The following LRRC37A2 variants were observed in gnomAD, a reference collection of about 807,000 sequenced individuals.
LRRC37A2 encodes the protein leucine-rich repeat-containing protein 37A2.
In LRRC37A2, 9 loss-of-function variants were observed where a neutral mutation model predicts 68.8. The ratio of observed to expected loss-of-function variants is 0.13; its 90% CI spans 0.08 to 0.23. The LOEUF is 0.23. Among genes scored for constraint, LRRC37A2 ranks in the 10% least tolerant of loss-of-function variants. LRRC37A2 has a pLI of 1.00. For synonymous variants in LRRC37A2, 63 were observed against 367.6 expected, an observed-to-expected ratio of 0.17 and a Z score of 9.48; for missense variants, 168 against 950.4, an observed-to-expected ratio of 0.18 and a Z score of 10.82.
At chr17:46,661,377 T>TA in the LRRC37A2 span, among the ~76,000 whole-genome samples, 9 of 119,188 alleles carry the variant, frequency 7.6e-5, no homozygotes, top group African/African-American at 2.7e-4. Context: ...CTACATTTCT[T>TA]TTTATTATTA....
chr17:46,718,525 A>G, the LRRC37A2 span, among the ~76,000 whole-genome samples: 2 of 152,236 alleles, frequency 1.3e-5, no homozygotes, highest in Admixed American at 1.3e-4. Flanking sequence ...AGCCATAACT[A>G]AAAATTTAAA....
the LRRC37A2 span, among the ~76,000 whole-genome samples, chr17:47,040,499 T>C: frequency 2.0e-5 from 3 of 149,838 alleles, no homozygotes; most frequent in African/African-American, 7.3e-5. Context: ...CTTGTGTTAG[T>C]AGTTGCTATT....
At chr17:46,779,430 G>A in the LRRC37A2 span, among the ~76,000 whole-genome samples, 7 of 152,166 alleles carry the variant, frequency 4.6e-5, no homozygotes, top group Non-Finnish European at 7.4e-5. Flanking sequence ...CTCCTGGCCC[G>A]GCCCTTCCCT....
At chr17:46,923,133 GC>G in the LRRC37A2 span, 15 of 1,160,424 alleles carry the variant, frequency 1.3e-5, no homozygotes, top group African/African-American at 2.1e-4. Context: ...CGGAAGGGGG[GC>G]TGTGAGGACG....
chr17:46,834,970 T>C, the LRRC37A2 span, among the ~76,000 whole-genome samples: 1,557 of 152,040 alleles, frequency 0.01, 26 homozygotes, highest in African/African-American at 0.036. Flanking sequence ...GCCCTCAGTC[T>C]CTCTTCTTCT....
the LRRC37A2 span, among the ~76,000 whole-genome samples, chr17:46,912,698 C>G: frequency 6.6e-6 from 1 of 152,176 alleles, no homozygotes; most frequent in Non-Finnish European, 1.5e-5. Context: ...ACCCTGTCTG[C>G]TCAGCTTTAA....
At chr17:47,033,546 T>C in the LRRC37A2 span, among the ~76,000 whole-genome samples, 8,471 of 128,610 alleles carry the variant, frequency 0.066, no homozygotes, top group Middle Eastern at 0.11. Context: ...ATTTTGGAGT[T>C]TGTCATTTAA....
the LRRC37A2 span, among the ~76,000 whole-genome samples, chr17:47,012,434 G>C: frequency 6.6e-6 from 1 of 151,946 alleles, no homozygotes. Flanking sequence ...ACACCACCAA[G>C]AAAGTGAAAG....
the LRRC37A2 span, among the ~76,000 whole-genome samples, chr17:47,000,401 A>AT: frequency 1.3e-5 from 2 of 151,702 alleles, no homozygotes; most frequent in Non-Finnish European, 2.9e-5. Flanking sequence ...TGCCTGGCTA[A>AT]TTTTTGTATT....
At chr17:46,727,693 C>T in the LRRC37A2 span, among the ~76,000 whole-genome samples, 1 of 152,106 alleles carries the variant, frequency 6.6e-6, no homozygotes, top group African/African-American at 2.4e-5. Flanking sequence ...GGGATGATTT[C>T]TTTAAAAGCT....
chr17:46,900,852 G>A, the LRRC37A2 span, among the ~76,000 whole-genome samples: 1 of 152,210 alleles, frequency 6.6e-6, no homozygotes, highest in Non-Finnish European at 1.5e-5. Context: ...TACAAGCCAA[G>A]CTCTGTGCTC....
the LRRC37A2 span, among the ~76,000 whole-genome samples, chr17:46,957,385 G>A: frequency 6.6e-6 from 1 of 152,196 alleles, no homozygotes; most frequent in Non-Finnish European, 1.5e-5. Context: ...GGCTGAGGCA[G>A]GTGGATCACT....
At chr17:46,974,058 T>C in the LRRC37A2 span, among the ~76,000 whole-genome samples, 1 of 152,162 alleles carries the variant, frequency 6.6e-6, no homozygotes, top group Non-Finnish European at 1.5e-5. Context: ...GTGGATGTGG[T>C]GATGTAAGCC....
the LRRC37A2 span, among the ~76,000 whole-genome samples, chr17:46,719,312 T>C: frequency 1.3e-5 from 2 of 152,240 alleles, no homozygotes; most frequent in African/African-American, 4.8e-5. The surrounding 1 kb of genome is among the most constrained non-coding windows in gnomAD (Gnocchi z 4.3). Flanking sequence ...CTTTATTACT[T>C]AAACCAACAG....
intron 9 of LRRC37A2, among the ~76,000 whole-genome samples, chr17:46,546,963 G>A (rs146545172): frequency 0.15 from 996 of 6,438 alleles, 152 homozygotes; most frequent in Middle Eastern, 0.3. Flanking sequence ...AAACCTTTCT[G>A]TTCACAGAAC....
the LRRC37A2 span, among the ~76,000 whole-genome samples, chr17:46,493,131 A>G: frequency 1.5e-5 from 2 of 131,746 alleles, no homozygotes; most frequent in East Asian, 4.3e-4. Flanking sequence ...CCATCTGTAT[A>G]TCATTGTTTA....
At chr17:46,825,959 G>T in the LRRC37A2 span, among the ~76,000 whole-genome samples, 10 of 152,240 alleles carry the variant, frequency 6.6e-5, no homozygotes, top group Admixed American at 2.0e-4. Context: ...GGAGGCGGAG[G>T]TTGCGGTGAG....
chr17:46,849,849 C>CTTTTTTTT, the LRRC37A2 span, among the ~76,000 whole-genome samples: 7 of 145,750 alleles, frequency 4.8e-5, 1 homozygote, highest in Non-Finnish European at 7.5e-5. Flanking sequence ...CATTTAATAT[C>CTTTTTTTT]TTTTTTTTTT....
chr17:46,852,198 G>A, the LRRC37A2 span, among the ~76,000 whole-genome samples: 60 of 152,368 alleles, frequency 3.9e-4, no homozygotes, highest in African/African-American at 1.4e-3. Flanking sequence ...CTGGGTGGAT[G>A]GGTGGGACGG....
Sources: gnomAD v4.1 joint callset for allele counts (sites outside exome capture counted in the v4.1 genomes callset) on GRCh38, gnomAD v4.1.1 for gene constraint, Gnocchi (gnomAD v3.1) non-coding constraint, MANE v1.5 for transcripts, NCBI Gene and HGNC (gene_info 2026-07-23, HGNC 2026-07-21) for gene names.